The following PDE11A variants were observed in gnomAD, a reference collection of about 807,000 sequenced individuals.
The protein encoded by PDE11A is dual 3',5'-cyclic-AMP and -GMP phosphodiesterase 11A.
A neutral mutation model predicts 100.5 loss-of-function variants in PDE11A; 100 were observed. That is an observed-to-expected ratio of 1.00 (90% CI 0.85 to 1.18). PDE11A has a LOEUF of 1.18. Among genes scored for constraint, PDE11A ranks in the 50% most tolerant of loss-of-function variants. The probability of loss-of-function intolerance (pLI) is 0.00; values close to 1 mark genes in which losing one functional copy is unlikely to be tolerated. For synonymous variants in PDE11A, 381 were observed against 420.8 expected (o/e 0.91, Z 1.16); for missense variants, 1,141 against 1,152.6 (o/e 0.99, Z 0.15).
At chr2:178,039,639 T>C (rs1302708804) in intron 1 of PDE11A, among the ~76,000 whole-genome samples, 1 of 151,230 alleles carries the variant, frequency 6.6e-6, no homozygotes, top group Non-Finnish European at 1.5e-5. Context: ...CATAGCAACA[T>C]TACTGATAAA....
At chr2:177,873,632 C>T (rs1310285102) in intron 5 of PDE11A, among the ~76,000 whole-genome samples, 1 of 152,106 alleles carries the variant, frequency 6.6e-6, no homozygotes, top group East Asian at 1.9e-4. Context: ...CAAGACACAG[C>T]GTGGTTCCAT....
intron 6 of PDE11A, among the ~76,000 whole-genome samples, chr2:177,834,792 A>G (rs2083366363): frequency 6.6e-6 from 1 of 151,714 alleles, no homozygotes; most frequent in African/African-American, 2.4e-5. Context: ...CCTTTTCTCC[A>G]CCCTGTAGGC....
intron 19 of PDE11A, among the ~76,000 whole-genome samples, chr2:177,638,251 G>A (rs1004925521): frequency 1.3e-5 from 2 of 151,662 alleles, no homozygotes; most frequent in Non-Finnish European, 2.9e-5. Flanking sequence ...CACCTGCCTC[G>A]CCCTCCCAAA....
At chr2:177,984,986 T>C (rs979669400) in intron 2 of PDE11A, among the ~76,000 whole-genome samples, 1 of 152,228 alleles carries the variant, frequency 6.6e-6, no homozygotes, top group Non-Finnish European at 1.5e-5. Flanking sequence ...CTCTATGTAG[T>C]TGTTATTATA....
intron 1 of PDE11A, among the ~76,000 whole-genome samples, chr2:178,024,579 C>T (rs1041150873): frequency 6.6e-6 from 1 of 152,138 alleles, no homozygotes; most frequent in Non-Finnish European, 1.5e-5. Flanking sequence ...ATCATATTAG[C>T]CCATTGCCCC....
intron 1 of PDE11A, among the ~76,000 whole-genome samples, chr2:178,106,399 T>C (rs116634023): frequency 0.015 from 2,325 of 152,318 alleles, 26 homozygotes; most frequent in Middle Eastern, 0.024. Flanking sequence ...TAAGAAAACT[T>C]ACTTTATCCA....
At chr2:178,088,130 T>C (rs774260663) in intron 2 of PDE11A, among the ~76,000 whole-genome samples, 1 of 151,980 alleles carries the variant, frequency 6.6e-6, no homozygotes, top group South Asian at 2.1e-4. Flanking sequence ...TGTGTTTACA[T>C]GAAGCCCCAC....
upstream of PDE11A, among the ~76,000 whole-genome samples, chr2:178,075,725 CAA>C (rs2087199834): frequency 6.6e-6 from 1 of 151,886 alleles, no homozygotes; most frequent in African/African-American, 2.4e-5. Context: ...CCTCACTGGG[CAA>C]AGAGTAGGAG....
At chr2:177,848,098 T>C (rs1397664404) in intron 5 of PDE11A, among the ~76,000 whole-genome samples, 2 of 152,170 alleles carry the variant, frequency 1.3e-5, no homozygotes, top group Non-Finnish European at 2.9e-5. Flanking sequence ...TGAAGACTAA[T>C]GGTTGATTGA....
rs548677947 is a variant in PDE11A at position 177,956,373 on chromosome 2, C to T, written c.1072-51186G>A. On this transcript the variant is annotated intron_variant, in intron 2 of 19. Transcript: ENST00000286063. ...AACCACAATGAGATACCATCTCACA[C>T]CAGTTAGAATGGCAATCATTAAAAA... Among the ~76,000 whole-genome samples the T allele has an allele frequency of 8.2e-4, 125 of 152,210 alleles. 2 individuals are homozygous for T. Among genetic ancestry groups the T allele is most frequent in the Admixed American group, 8.0e-3 (122 of 15,300 alleles).
chr2:177,656,539 A>T (rs569894296), intron 19 of PDE11A, among the ~76,000 whole-genome samples: 1 of 152,360 alleles, frequency 6.6e-6, no homozygotes, highest in South Asian at 2.1e-4. Context: ...TACTTCATAC[A>T]TTCCACTGCT....
Position 178,072,682 on chromosome 2 carries a change from G to T in PDE11A, c.-245C>A. 7.1e-7 allele frequency: 1 copy of T among 1,413,434 alleles called. No individual in the cohort carries two copies. The highest frequency in any genetic ancestry group is 2.6e-5 in the East Asian group (1 of 37,760). 87.6% of individuals were successfully genotyped at this position (1,413,434 alleles called of 1,614,324 possible). On this transcript the variant is annotated 5_prime_UTR_variant, in exon 1 of 20. Coordinates refer to ENST00000286063, the MANE Select transcript of PDE11A (RefSeq NM_016953.4). ...GCTCCGCACAGGTGCCCAGCACTGA[G>T]CTGCCGCCGCTGCCCCGGCTCCTGT... is the stretch of plus-strand genomic sequence containing the variant.
chr2:177,863,095 T>G (rs544341538), intron 5 of PDE11A, among the ~76,000 whole-genome samples: 1 of 152,034 alleles, frequency 6.6e-6, no homozygotes, highest in East Asian at 1.9e-4. Context: ...TAATGGTCTC[T>G]TAAATTAATG....
At chr2:177,984,689 T>C (rs2085921043) in intron 2 of PDE11A, among the ~76,000 whole-genome samples, 1 of 152,216 alleles carries the variant, frequency 6.6e-6, no homozygotes, top group African/African-American at 2.4e-5. Context: ...GTAGATAGCA[T>C]TATATACATA....
At chr2:177,788,656 A>G (rs1306248970) in intron 9 of PDE11A, among the ~76,000 whole-genome samples, 12 of 152,108 alleles carry the variant, frequency 7.9e-5, no homozygotes, top group Non-Finnish European at 8.8e-5. Flanking sequence ...ACTAATAAAG[A>G]AAAAAAGAGA....
chr2:177,740,995 T>A (rs2081863502), intron 10 of PDE11A, among the ~76,000 whole-genome samples: 2 of 152,190 alleles, frequency 1.3e-5, no homozygotes, highest in Non-Finnish European at 2.9e-5. Context: ...TGTCCTATTC[T>A]GAGAAGGGAA....
At chr2:177,730,058 T>G (rs1434362105) in intron 10 of PDE11A, among the ~76,000 whole-genome samples, 1 of 152,204 alleles carries the variant, frequency 6.6e-6, no homozygotes, top group African/African-American at 2.4e-5. Flanking sequence ...GATTTTTTGT[T>G]GTCACTTTAA....
intron 2 of PDE11A, among the ~76,000 whole-genome samples, chr2:178,001,890 A>G (rs2086149693): frequency 6.6e-6 from 1 of 152,120 alleles, no homozygotes; most frequent in African/African-American, 2.4e-5. Flanking sequence ...GATTTGGTCT[A>G]TCTGCTTTTT....
At chr2:177,849,011 A>G (rs1257369001) in intron 5 of PDE11A, among the ~76,000 whole-genome samples, 1 of 152,204 alleles carries the variant, frequency 6.6e-6, no homozygotes, top group Non-Finnish European at 1.5e-5. Context: ...TCTCAACATA[A>G]CAGTTTACTT....
Sources: gnomAD v4.1 joint callset for allele counts (sites outside exome capture counted in the v4.1 genomes callset) on GRCh38, gnomAD v4.1.1 for gene constraint, MANE v1.5 for transcripts, NCBI Gene and HGNC (gene_info 2026-07-23, HGNC 2026-07-21) for gene names.